PRICKLE2: variants seen among roughly 807,000 people sequenced by gnomAD.
PRICKLE2 encodes prickle-like protein 2.
Under a neutral mutation model 81.4 loss-of-function variants are expected in PRICKLE2, and 21 were observed. The ratio of observed to expected loss-of-function variants is 0.26; its 90% confidence interval spans 0.18 to 0.37. The LOEUF (loss-of-function observed/expected upper bound fraction) is 0.37. Ranked by LOEUF, PRICKLE2 falls within the 10% of genes least tolerant of loss-of-function variation. The probability of loss-of-function intolerance (pLI) is 1.00; values close to 1 mark genes in which losing one functional copy is unlikely to be tolerated. For synonymous variants in PRICKLE2, 456 were observed against 421.5 expected, an observed-to-expected ratio of 1.08 and a Z score of -1.00; for missense variants, 940 against 1,109.0, an observed-to-expected ratio of 0.85 and a Z score of 2.16.
rs141708913 is a variant in PRICKLE2, at chr3:64,201,941, C to G, written c.-40-2974G>C. Among the ~76,000 whole-genome samples the G allele has an allele frequency of 5.9e-5, 9 of 152,268 alleles. No homozygotes were observed. In the East Asian group the frequency reaches 1.7e-3, roughly 29 times the overall value. ...ATGGCACTAAGTAGGAGTCCACCTT[C>G]ATTCTCATGTGGCTATCCAGTTCTT... On this transcript the variant is annotated intron_variant, in intron 1 of 7. Coordinates refer to ENST00000638394, the MANE Select transcript of PRICKLE2 (RefSeq NM_198859.4).
chr3:64,250,489 C>T (rs2079430778), intron 2 of PRICKLE2, among the ~76,000 whole-genome samples: 2 of 152,030 alleles, frequency 1.3e-5, no homozygotes, highest in South Asian at 4.1e-4. Context: ...CCCAAACTGA[C>T]AACCAGAGCA....
chr3:64,237,480 G>A (rs979887613), intron 2 of PRICKLE2, among the ~76,000 whole-genome samples: 1 of 152,056 alleles, frequency 6.6e-6, no homozygotes, highest in African/African-American at 2.4e-5. Flanking sequence ...AGCCATCCCT[G>A]TGAAATCAAG....
rs1575524196 is a variant in PRICKLE2, at chr3:64,093,568, G to A, written c.*5483C>T. 6.6e-6 allele frequency: 1 copy of A among 152,136 alleles called. No homozygotes were observed. The highest frequency in any genetic ancestry group is 6.5e-5 in the Admixed American group (1 of 15,268). The allele number at this position is 152,136 out of a possible 1,614,324, so 9.4% of individuals were successfully genotyped here. A position where few individuals can be genotyped will look rare whatever the true frequency, so the allele number is the denominator to read the frequency against. On this transcript the variant is annotated 3_prime_UTR_variant, in exon 8 of 8. Coordinates refer to ENST00000638394, the MANE Select transcript of PRICKLE2 (RefSeq NM_198859.4). ...TGCCATCCTAATGGTTGTGATGGGA[G>A]ACATTTTTAGTTGTCACAGTTTCTG...
intron 2 of PRICKLE2, among the ~76,000 whole-genome samples, chr3:64,248,326 C>A (rs1245031505): frequency 6.6e-6 from 1 of 152,076 alleles, no homozygotes; most frequent in Non-Finnish European, 1.5e-5. Flanking sequence ...GGCAAAAAAA[C>A]AAAAACTTGC....
intron 7 of PRICKLE2, among the ~76,000 whole-genome samples, chr3:64,105,496 G>A (rs2106944921): frequency 6.6e-6 from 1 of 152,310 alleles, no homozygotes; most frequent in South Asian, 2.1e-4. Flanking sequence ...CCAACCTGGA[G>A]TGGGTCAGTG....
intron 1 of PRICKLE2, among the ~76,000 whole-genome samples, chr3:64,212,432 C>G (rs893198636): frequency 2.0e-5 from 3 of 152,178 alleles, no homozygotes; most frequent in African/African-American, 7.2e-5. Flanking sequence ...AAACTGAATT[C>G]TAACACACCT....
chr3:64,212,023 T>G (rs547144957), intron 1 of PRICKLE2, among the ~76,000 whole-genome samples: 2 of 152,310 alleles, frequency 1.3e-5, no homozygotes, highest in South Asian at 4.1e-4. Flanking sequence ...GTGAGGAATC[T>G]GCCTACCAAG....
At position 64,157,503 on chromosome 3, in the gene PRICKLE2, A is replaced by G; in HGVS notation, c.397-138T>C. ...GCAGTCACTATGCTTCCTGCTTTACACAGGCAGCAGGGCAGGTTTTTCTTG... is the reference window on the plus strand; with the variant it reads ...GCAGTCACTATGCTTCCTGCTTTACGCAGGCAGCAGGGCAGGTTTTTCTTG... On this transcript the variant is annotated intron_variant, in intron 4 of 7. Coordinates refer to ENST00000638394, the MANE Select transcript of PRICKLE2 (RefSeq NM_198859.4). 12 of 887,956 alleles carry G rather than the reference A, an allele frequency of 1.4e-5. No homozygotes were observed. The South Asian group carries it at 1.7e-4, about 13-fold the overall frequency. The allele number at this position is 887,956 out of a possible 1,614,324, so 55.0% of individuals were successfully genotyped here.
At chr3:64,176,756 A>G (rs35422561) in intron 2 of PRICKLE2, among the ~76,000 whole-genome samples, 18,006 of 152,292 alleles carry the variant, frequency 0.12, 1,296 homozygotes, top group East Asian at 0.22. Context: ...TCACTTATAC[A>G]TTACAAAGGA....
At chr3:64,151,103 G>A (rs767971238) in intron 6 of PRICKLE2, among the ~76,000 whole-genome samples, 2 of 152,180 alleles carry the variant, frequency 1.3e-5, no homozygotes, top group South Asian at 2.1e-4. Context: ...CCCTAGCAAC[G>A]GCTGCCTGAC....
chr3:64,179,492 T>C (rs536047562), intron 2 of PRICKLE2, among the ~76,000 whole-genome samples: 16 of 152,282 alleles, frequency 1.1e-4, no homozygotes, highest in African/African-American at 2.4e-4. Context: ...ACAAAAAGCA[T>C]AGGATGCAAA....
chr3:64,246,241 C>G (rs7433514), intron 2 of PRICKLE2, among the ~76,000 whole-genome samples: 1 of 151,886 alleles, frequency 6.6e-6, no homozygotes, highest in Admixed American at 6.6e-5. Context: ...GACTCCATCT[C>G]AAAAAAACAA....
upstream of PRICKLE2, among the ~76,000 whole-genome samples, chr3:64,230,246 A>G (rs2079084353): frequency 1.3e-5 from 2 of 152,218 alleles, no homozygotes; most frequent in African/African-American, 4.8e-5. Context: ...TGTCTGCCAT[A>G]GCTGTCCATT....
At chr3:64,262,122 T>G (rs1275145444) in intron 2 of PRICKLE2, among the ~76,000 whole-genome samples, 1 of 152,322 alleles carries the variant, frequency 6.6e-6, no homozygotes, top group East Asian at 1.9e-4. Flanking sequence ...ACGCACACTC[T>G]ATCAAGATAT....
intron 2 of PRICKLE2, among the ~76,000 whole-genome samples, chr3:64,252,997 A>G (rs1413196047): frequency 6.6e-6 from 1 of 152,194 alleles, no homozygotes; most frequent in African/African-American, 2.4e-5. Flanking sequence ...GGATTAGATG[A>G]TCTATGAGTA....
intron 1 of PRICKLE2, among the ~76,000 whole-genome samples, chr3:64,217,010 C>T (rs1044369457): frequency 3.9e-5 from 6 of 152,166 alleles, no homozygotes; most frequent in Non-Finnish European, 5.9e-5. Flanking sequence ...AGTTCTGACT[C>T]TTGCTGGATA....
At chr3:64,168,934 C>T (rs539564474) in intron 2 of PRICKLE2, among the ~76,000 whole-genome samples, 1 of 152,264 alleles carries the variant, frequency 6.6e-6, no homozygotes, top group Non-Finnish European at 1.5e-5. Flanking sequence ...CTTTCCACAA[C>T]ACCATGGCAT....
At position 64,095,746 on chromosome 3, in the gene PRICKLE2, C is replaced by G. The variant is rs1230632190; in HGVS notation, c.*3305G>C. The G allele has an allele frequency of 1.3e-5, 2 of 152,048 alleles. No individual in the cohort carries two copies. Among genetic ancestry groups the G allele is most frequent in the Non-Finnish European group, 2.9e-5 (2 of 68,016 alleles). 9.4% of individuals were successfully genotyped at this position (152,048 alleles called of 1,614,324 possible). On this transcript the variant is annotated 3_prime_UTR_variant, in exon 8 of 8. Transcript: ENST00000638394. ...AGAAACACAAAATTGCTCATTTGCTCGACTGGTTGGGGGTAGAAAGGAAGG... is the reference window on the plus strand; with the variant it reads ...AGAAACACAAAATTGCTCATTTGCTGGACTGGTTGGGGGTAGAAAGGAAGG...
At chr3:64,229,442 A>G (rs1485791167), upstream of PRICKLE2, among the ~76,000 whole-genome samples, 1 of 152,158 alleles carries the variant, frequency 6.6e-6, no homozygotes, top group Non-Finnish European at 1.5e-5. Flanking sequence ...TTCTACAGGT[A>G]TAAAATAAGA....
Sources: gnomAD v4.1 joint callset for allele counts (sites outside exome capture counted in the v4.1 genomes callset) on GRCh38, gnomAD v4.1.1 for gene constraint, MANE v1.5 for transcripts, NCBI Gene and HGNC (gene_info 2026-07-23, HGNC 2026-07-21) for gene names.